Variants in EVC observed in about 807,000 individuals in gnomAD.
EVC encodes EvC ciliary complex subunit 1.
EVC carries 116 observed loss-of-function variants against 118.9 expected under a neutral mutation model. The ratio of observed to expected loss-of-function variants is 0.98; its 90% CI spans 0.84 to 1.14. EVC has a LOEUF of 1.14. EVC is among the 50% of genes most tolerant of loss of function. EVC has a pLI of 0.00. For missense variants in EVC, 1,401 were observed against 1,246.4 expected, an observed-to-expected ratio of 1.12 and a Z score of -1.87; for synonymous variants, 619 against 534.7, an observed-to-expected ratio of 1.16 and a Z score of -2.18.
At chr4:5,810,527 G>A in intron 20 of EVC, 77 bp downstream of exon 20, 1 of 1,119,274 alleles carries the variant, frequency 8.9e-7, no homozygotes, top group Non-Finnish European at 1.3e-6. Flanking sequence ...CAAAAGTCAG[G>A]GCAGGAAAAT....
intron 5 of EVC, among the ~76,000 whole-genome samples, chr4:5,736,708 A>T (rs760790028): frequency 1.4e-4 from 22 of 152,080 alleles, no homozygotes; most frequent in Non-Finnish European, 2.8e-4. Context: ...TATGATTGTA[A>T]TTGTTTGGGG....
In EVC at chr4:5,733,361, G is replaced by A. The variant is rs376818413; in HGVS notation, c.628G>A (p.Asp210Asn). 1.7e-5 allele frequency: 27 copies of A among 1,613,724 alleles called. No homozygotes were observed. The highest frequency in any genetic ancestry group is 1.6e-4 in the Middle Eastern group (1 of 6,082). Reference protein sequence around the residue: ...EVLACESVDVDLCIYSLHLKD... With the variant: ...EVLACESVDVNLCIYSLHLKD... ...CATTTTATTTTGCAGTGTAGACGTT[G>A]ACCTGTGTATCTACAGCCTTCACTT... The change falls in exon 5 of 21, where the codon GAC (aspartate) becomes AAC (asparagine). Residue 210 changes from aspartate to asparagine, a missense_variant. Transcript: ENST00000264956.
rs189871070 is a variant in EVC at position 5,767,213 on chromosome 4, G to T, written c.1563+10851G>T. ...GGATGCCTCCCAGTTAGGCTCCTCG[G>T]GGGCCAGGGTTCAGGGACCCACTTG... On this transcript the variant is annotated intron_variant, in intron 11 of 20. Transcript: ENST00000264956. Among the ~76,000 whole-genome samples the T allele has an allele frequency of 6.9e-3, 1,047 of 152,184 alleles. 56 individuals are homozygous for T. The highest frequency in any genetic ancestry group is 0.066 in the Admixed American group (1,011 of 15,292).
rs971647538 is a variant in EVC, at chr4:5,798,631, C to G, written c.2143C>G (p.Gln715Glu). ...GGCCAGCCGGCTAGAGGAGGAAGCACAGCAGACACGGCTGCAGCTCCAGCA... is the reference window on the plus strand; with the variant it reads ...GGCCAGCCGGCTAGAGGAGGAAGCAGAGCAGACACGGCTGCAGCTCCAGCA... ...EEASRLEEEA[Q>E]QTRLQLQQRL... The change falls in exon 15 of 21, where the codon CAG becomes GAG. Residue 715 changes from glutamine to glutamate, a missense_variant. Coordinates refer to ENST00000264956, the MANE Select transcript of EVC (RefSeq NM_153717.3). This position sits in a 1 kb window ranked among gnomAD's most constrained non-coding sequence, Gnocchi z 4.1. 4.7e-5 allele frequency: 75 copies of G among 1,589,868 alleles called. No homozygotes were observed. Among genetic ancestry groups the G allele is most frequent in the Non-Finnish European group, 6.4e-5 (75 of 1,169,754 alleles).
chr4:5,781,453 G>C (rs1293653695), intron 11 of EVC, among the ~76,000 whole-genome samples: 2 of 152,138 alleles, frequency 1.3e-5, no homozygotes, highest in Non-Finnish European at 2.9e-5. Context: ...GGAGGCTCCA[G>C]AGAAGGGATT....
In EVC at chr4:5,798,576, T is replaced by C. The variant is rs774109576; in HGVS notation, c.2098-10T>C. ...CACTTGGCCCCTGCTCCCAGTCCTT[T>C]CCCTCCCAGGAGGCGCGTGTGCTGG... On this transcript the variant is annotated splice_polypyrimidine_tract_variant and intron_variant, in intron 14 of 20. Coordinates refer to ENST00000264956, the MANE Select transcript of EVC (RefSeq NM_153717.3). The surrounding 1 kb of genome is among the most constrained non-coding windows in gnomAD (Gnocchi z 4.1). The C allele has an allele frequency of 5.7e-5, 88 of 1,554,886 alleles. 1 individual carries two copies. Among genetic ancestry groups the C allele is most frequent in the East Asian group, 3.6e-4 (15 of 41,358 alleles).
At chr4:5,809,289 C>G (rs1441565834) in intron 18 of EVC, among the ~76,000 whole-genome samples, 1 of 152,138 alleles carries the variant, frequency 6.6e-6, no homozygotes, top group Non-Finnish European at 1.5e-5. Flanking sequence ...AACTGAAGAC[C>G]GACGGCCAGT....
At chr4:5,824,834 T>C in the EVC span, 1 of 985,260 alleles carries the variant, frequency 1.0e-6, no homozygotes. Context: ...TCTCAACGTG[T>C]GCGTGCCTGC....
At position 5,738,144 on chromosome 4, in the gene EVC, A is replaced by G. The variant is rs1382824070; in HGVS notation, c.703-3572A>G. Among the ~76,000 whole-genome samples, 1 of 152,210 alleles carries G rather than the reference A, an allele frequency of 6.6e-6. No homozygotes were observed. The highest frequency in any genetic ancestry group is 1.5e-5 in the Non-Finnish European group (1 of 68,036). ...TGGAGGAAGTCATTGGAAATGTGGAAATAGCAAGAAAACTAGGATTAGAAT... is the reference window on the plus strand; with the variant it reads ...TGGAGGAAGTCATTGGAAATGTGGAGATAGCAAGAAAACTAGGATTAGAAT... On this transcript the variant is annotated intron_variant, in intron 5 of 20. Coordinates refer to ENST00000264956, the MANE Select transcript of EVC (RefSeq NM_153717.3). This position sits in a 1 kb window ranked among gnomAD's most constrained non-coding sequence, Gnocchi z 6.5.
chr4:5,756,215 A>G lies in EVC; in HGVS notation c.1465-49A>G. ...TTGGAGAACCTTCTGGAAAAAAAAA[A>G]AAAAACCCTGCATGTTTCTACCAGA... is the stretch of plus-strand genomic sequence containing the variant. On this transcript the variant is annotated intron_variant, in intron 10 of 20. Transcript: ENST00000264956. This position sits in a 1 kb window ranked among gnomAD's most constrained non-coding sequence, Gnocchi z 4.2. 1.1e-5 allele frequency: 16 copies of G among 1,475,648 alleles called. No individual in the cohort carries two copies. The highest frequency in any genetic ancestry group is 1.4e-5 in the Non-Finnish European group (15 of 1,074,200). The allele number at this position is 1,475,648 out of a possible 1,614,324, so 91.4% of individuals were successfully genotyped here.
At chr4:5,774,032 C>T (rs1162292243) in intron 11 of EVC, among the ~76,000 whole-genome samples, 1 of 151,986 alleles carries the variant, frequency 6.6e-6, no homozygotes, top group East Asian at 2.0e-4. Context: ...CTGGCCACAT[C>T]CTTGCCTTTC....
At chr4:5,741,453 A>G (rs529453470) in intron 5 of EVC, among the ~76,000 whole-genome samples, 7 of 152,236 alleles carry the variant, frequency 4.6e-5, no homozygotes, top group Non-Finnish European at 7.3e-5. Context: ...TAAGCACTCA[A>G]TATTTGTTGA....
At position 5,717,638 on chromosome 4, in the gene EVC, C is replaced by T. The variant is rs1317225766; in HGVS notation, c.175-1610C>T. Among the ~76,000 whole-genome samples, 3 of 152,230 alleles carry T rather than the reference C, an allele frequency of 2.0e-5. No homozygotes were observed. The East Asian group carries it at 5.8e-4, about 29-fold the overall frequency. On this transcript the variant is annotated intron_variant, in intron 1 of 20. Transcript: ENST00000264956. ...CAAGACCCACGACAGACTGCTGCATCTACACAGGTTTCTCTCTATGCCCAG... is the reference window on the plus strand; with the variant it reads ...CAAGACCCACGACAGACTGCTGCATTTACACAGGTTTCTCTCTATGCCCAG...
chr4:5,818,731 G>A (rs776755121), downstream of EVC, among the ~76,000 whole-genome samples: 2 of 152,142 alleles, frequency 1.3e-5, no homozygotes, highest in Non-Finnish European at 2.9e-5. Flanking sequence ...CCAGCAAGAA[G>A]GCTCTCACCA....
chr4:5,759,506 C>T (rs772495824), intron 11 of EVC, among the ~76,000 whole-genome samples: 11 of 152,246 alleles, frequency 7.2e-5, no homozygotes, highest in East Asian at 1.9e-4. Flanking sequence ...AGGCTATGGG[C>T]GGCGGGGGTG....
At chr4:5,824,839 G>T in the EVC span, 7 of 985,260 alleles carry the variant, frequency 7.1e-6, no homozygotes, top group African/African-American at 1.7e-5. Context: ...ACGTGTGCGT[G>T]CCTGCCCTCA....
chr4:5,790,147 C>G (rs1188194959), intron 12 of EVC, among the ~76,000 whole-genome samples: 15 of 137,566 alleles, frequency 1.1e-4, no homozygotes. Context: ...TAGCACCTCA[C>G]TCCAGCCTGG....
chr4:5,797,096 A>T lies in EVC; in HGVS notation c.1961A>T (p.Asn654Ile). 6.2e-7 allele frequency: 1 copy of T among 1,613,550 alleles called. No individual in the cohort carries two copies. The highest frequency in any genetic ancestry group is 8.5e-7 in the Non-Finnish European group (1 of 1,180,024). The change falls in exon 14 of 21, where the codon AAC becomes ATC. Residue 654 changes from asparagine (N) to isoleucine (I), a missense_variant. Coordinates refer to ENST00000264956, the MANE Select transcript of EVC (RefSeq NM_153717.3). Reference sequence around the variant, plus strand: ...CTCCGGAGGCTGGCACTCCGCGGCAACGCCCTGGCCACCCTGACGCAGATG... The same window carrying T: ...CTCCGGAGGCTGGCACTCCGCGGCATCGCCCTGGCCACCCTGACGCAGATG... ...SALRRLALRG[N>I]ALATLTQMRL...
At chr4:5,716,663 C>T (rs908748575) in intron 1 of EVC, among the ~76,000 whole-genome samples, 4 of 152,218 alleles carry the variant, frequency 2.6e-5, no homozygotes, top group African/African-American at 7.2e-5. Flanking sequence ...CAAACATCTC[C>T]TGACTCTAAC....
Sources: gnomAD v4.1 joint callset for allele counts (sites outside exome capture counted in the v4.1 genomes callset) on GRCh38, gnomAD v4.1.1 for gene constraint, Gnocchi (gnomAD v3.1) non-coding constraint, MANE v1.5 for transcripts, NCBI Gene and HGNC (gene_info 2026-07-23, HGNC 2026-07-21) for gene names.